UBE2L3: variants seen among roughly 807,000 people sequenced by gnomAD.
UBE2L3 encodes the protein ubiquitin-conjugating enzyme E2 L3.
A neutral mutation model predicts 17.8 loss-of-function variants in UBE2L3; 1 was observed. The observed-to-expected ratio is 0.06, with a 90% CI of 0.02 to 0.27. The LOEUF is 0.27. Among genes scored for constraint, UBE2L3 ranks in the 10% least tolerant of loss-of-function variants. The pLI, the probability that UBE2L3 is intolerant of heterozygous loss-of-function variation, is 1.00. For missense variants in UBE2L3, 40 were observed against 192.6 expected, an observed-to-expected ratio of 0.21 and a Z score of 4.69; for synonymous variants, 44 against 68.5, an observed-to-expected ratio of 0.64 and a Z score of 1.76.
At chr22:21,559,164 T>C (rs140361404) in intron 1 of UBE2L3, among the ~76,000 whole-genome samples, 4,910 of 150,732 alleles carry the variant, frequency 0.033, 32 homozygotes, top group African/African-American at 0.12. Flanking sequence ...CTGGCTAACA[T>C]GGTGAAACCC....
At chr22:21,600,034 G>A (rs574857367) in intron 2 of UBE2L3, among the ~76,000 whole-genome samples, 36 of 152,296 alleles carry the variant, frequency 2.4e-4, no homozygotes, top group Non-Finnish European at 4.4e-4. Flanking sequence ...ATTCCTGGCC[G>A]GGCGCGGTGG....
chr22:21,605,060 G>A (rs1452219163), intron 2 of UBE2L3, among the ~76,000 whole-genome samples: 1 of 152,114 alleles, frequency 6.6e-6, no homozygotes, highest in Non-Finnish European at 1.5e-5. Context: ...TAAAACTATA[G>A]CCTCAAGCAG....
At chr22:21,603,361 C>T (rs1928966633) in intron 2 of UBE2L3, among the ~76,000 whole-genome samples, 1 of 151,336 alleles carries the variant, frequency 6.6e-6, no homozygotes, top group African/African-American at 2.4e-5. Flanking sequence ...AACCTTGTCT[C>T]TAGTAAAAAT....
chr22:21,580,610 T>C, intron 1 of UBE2L3, among the ~76,000 whole-genome samples: 1 of 150,934 alleles, frequency 6.6e-6, no homozygotes, highest in East Asian at 2.0e-4. Context: ...CCACCATGCC[T>C]GGCTAAGTTT....
chr22:21,574,870 C>A (rs1033121088), intron 1 of UBE2L3, among the ~76,000 whole-genome samples: 1 of 152,056 alleles, frequency 6.6e-6, no homozygotes, highest in Non-Finnish European at 1.5e-5. Context: ...GAGGGGGAGG[C>A]AGAAGAATTG....
chr22:21,613,085 T>C (rs1929590347), intron 3 of UBE2L3, among the ~76,000 whole-genome samples: 1 of 152,164 alleles, frequency 6.6e-6, no homozygotes, highest in Non-Finnish European at 1.5e-5. Flanking sequence ...CCAGGCCAGG[T>C]TGCCCAGGAA....
chr22:21,605,730 T>C (rs1453043318), intron 2 of UBE2L3, among the ~76,000 whole-genome samples: 8 of 152,236 alleles, frequency 5.3e-5, no homozygotes, highest in African/African-American at 1.9e-4. Flanking sequence ...TGTCTCAAAC[T>C]CCTGGCCTCA....
intron 2 of UBE2L3, among the ~76,000 whole-genome samples, chr22:21,604,927 G>A (rs1279926653): frequency 6.6e-6 from 1 of 152,164 alleles, no homozygotes; most frequent in Non-Finnish European, 1.5e-5. Flanking sequence ...TGTAGTAACA[G>A]AACTGCTTCT....
intron 1 of UBE2L3, among the ~76,000 whole-genome samples, chr22:21,570,032 T>C (rs369485755): frequency 4.6e-5 from 7 of 152,330 alleles, no homozygotes. Context: ...CCAACTACTC[T>C]GTGAGCCCGT....
intron 1 of UBE2L3, among the ~76,000 whole-genome samples, chr22:21,569,954 T>C (rs1427998143): frequency 6.6e-6 from 1 of 152,222 alleles, no homozygotes; most frequent in African/African-American, 2.4e-5. Context: ...TGTTGTTTGC[T>C]CTACCCAAGA....
At chr22:21,584,881 A>G (rs1265646083) in intron 1 of UBE2L3, among the ~76,000 whole-genome samples, 1 of 152,156 alleles carries the variant, frequency 6.6e-6, no homozygotes, top group Non-Finnish European at 1.5e-5. Context: ...GAAGCACTTG[A>G]GCCTGGGAGG....
intron 2 of UBE2L3, among the ~76,000 whole-genome samples, chr22:21,602,929 C>G (rs1161056648): frequency 6.6e-6 from 1 of 152,166 alleles, no homozygotes; most frequent in Non-Finnish European, 1.5e-5. Flanking sequence ...TCAGGCCAGT[C>G]ACTCAATCGT....
intron 2 of UBE2L3, among the ~76,000 whole-genome samples, chr22:21,604,492 A>G (rs1452186652): frequency 6.6e-6 from 1 of 152,162 alleles, no homozygotes; most frequent in East Asian, 1.9e-4. Context: ...GTGAGACTCT[A>G]TCTCTAAATA....
chr22:21,581,599 C>G (rs1009102985), intron 1 of UBE2L3, among the ~76,000 whole-genome samples: 1 of 152,012 alleles, frequency 6.6e-6, no homozygotes, highest in Non-Finnish European at 1.5e-5. Flanking sequence ...GTCGGGAGTT[C>G]GAGACCAGCC....
At position 21,622,962 on chromosome 22, in the gene UBE2L3, T is replaced by C. The variant is rs1335995874; in HGVS notation, c.*1293T>C. The stretch of plus-strand genomic sequence containing the variant: ...TCAGATAAACTTGTAAAGATTTGAA[T>C]ATTAATGTCTTTTCAAGGCAAATGG... On this transcript the variant is annotated 3_prime_UTR_variant, in exon 4 of 4. Coordinates refer to ENST00000342192, the MANE Select transcript of UBE2L3 (RefSeq NM_003347.4). The C allele has an allele frequency of 2.6e-5, 4 of 152,638 alleles. No individual in the cohort carries two copies. The highest frequency in any genetic ancestry group is 9.7e-5 in the African/African-American group (4 of 41,446). 9.5% of individuals were successfully genotyped at this position (152,638 alleles called of 1,614,324 possible). A position where few individuals can be genotyped will look rare whatever the true frequency, so the allele number is the denominator to read the frequency against.
chr22:21,562,759 C>G (rs1926490199), upstream of UBE2L3, among the ~76,000 whole-genome samples: 2 of 147,520 alleles, frequency 1.4e-5, no homozygotes, highest in Admixed American at 6.8e-5. Flanking sequence ...CCTGCCTCGG[C>G]CTCCCAAGGT....
intron 3 of UBE2L3, among the ~76,000 whole-genome samples, chr22:21,617,165 A>G (rs1017089968): frequency 1.3e-5 from 2 of 150,462 alleles, no homozygotes; most frequent in Non-Finnish European, 3.0e-5. Context: ...AAAAAAAAAG[A>G]AAAGGAACAA....
chr22:21,617,920 G>C (rs1305650065), intron 3 of UBE2L3, among the ~76,000 whole-genome samples: 1 of 152,194 alleles, frequency 6.6e-6, no homozygotes, highest in African/African-American at 2.4e-5. Context: ...GGTGGCTCAT[G>C]CCTGTAATCC....
At chr22:21,575,521 G>A (rs1249153824) in intron 1 of UBE2L3, among the ~76,000 whole-genome samples, 3 of 148,350 alleles carry the variant, frequency 2.0e-5, no homozygotes, top group African/African-American at 4.9e-5. Flanking sequence ...TCCGGGAGGC[G>A]GAGGTTGCAG....
Sources: allele counts gnomAD v4.1 joint callset (sites outside exome capture counted in the v4.1 genomes callset), GRCh38; gene constraint gnomAD v4.1.1; transcripts MANE v1.5; gene names NCBI Gene and HGNC (gene_info 2026-07-23, HGNC 2026-07-21).